The following GASK1B variants were observed in gnomAD, a reference collection of about 807,000 sequenced individuals.
The protein encoded by GASK1B is Golgi-associated kinase 1B.
GASK1B carries 34 observed loss-of-function variants against 42.8 expected under a neutral mutation model. That is an observed-to-expected ratio of 0.79 (90% CI 0.60 to 1.06). The LOEUF is 1.06. GASK1B is among the 50% of genes least tolerant of loss of function. The probability of loss-of-function intolerance (pLI) is 0.00; values close to 1 mark genes in which losing one functional copy is unlikely to be tolerated. For missense variants in GASK1B, 686 were observed against 661.0 expected (o/e 1.04, Z -0.42); for synonymous variants, 262 against 259.1 (o/e 1.01, Z -0.11).
chr4:158,161,103 A>G (rs1409811122), intron 2 of GASK1B, among the ~76,000 whole-genome samples: 1 of 152,100 alleles, frequency 6.6e-6, no homozygotes, highest in Non-Finnish European at 1.5e-5. Context: ...TATATTTACA[A>G]TGTTTCACCC....
chr4:158,159,929 A>G (rs904512716), intron 2 of GASK1B, among the ~76,000 whole-genome samples: 34 of 152,260 alleles, frequency 2.2e-4, no homozygotes, highest in African/African-American at 7.9e-4. Flanking sequence ...TTGTGGAATT[A>G]TAGGTGAATG....
At chr4:158,157,780 T>A (rs1302562551) in intron 2 of GASK1B, among the ~76,000 whole-genome samples, 1 of 152,134 alleles carries the variant, frequency 6.6e-6, no homozygotes, top group Non-Finnish European at 1.5e-5. Context: ...TGGAAATTGA[T>A]CTACATAAAC....
intron 2 of GASK1B, among the ~76,000 whole-genome samples, chr4:158,157,137 A>G (rs773900530): frequency 2.1e-4 from 32 of 152,118 alleles, no homozygotes; most frequent in Non-Finnish European, 4.0e-4. Flanking sequence ...CACTTAAATC[A>G]TTCTAATCAC....
At chr4:158,133,903 G>C (rs1352346174) in intron 3 of GASK1B, among the ~76,000 whole-genome samples, 11 of 151,920 alleles carry the variant, frequency 7.2e-5, no homozygotes, top group Non-Finnish European at 1.6e-4. Context: ...ATATGTGTGT[G>C]TGTGTGTGTG....
intron 3 of GASK1B, among the ~76,000 whole-genome samples, chr4:158,132,253 T>G (rs1176030824): frequency 6.6e-6 from 1 of 152,186 alleles, no homozygotes; most frequent in East Asian, 1.9e-4. Flanking sequence ...ACACTGCCAC[T>G]TTTATTCTTT....
intron 3 of GASK1B, among the ~76,000 whole-genome samples, chr4:158,148,957 C>T (rs761312349): frequency 1.3e-5 from 2 of 152,188 alleles, no homozygotes; most frequent in Non-Finnish European, 2.9e-5. Context: ...AAATATCTCT[C>T]TTCCTCTATG....
intron 2 of GASK1B, among the ~76,000 whole-genome samples, chr4:158,167,906 C>T (rs1472392258): frequency 6.6e-6 from 1 of 152,062 alleles, no homozygotes; most frequent in Non-Finnish European, 1.5e-5. Flanking sequence ...AAGAAAGACA[C>T]AGTGAGAAAA....
Position 158,170,863 on chromosome 4 carries a change from G to T in GASK1B, c.513C>A (p.Asn171Lys), listed in dbSNP as rs999729774. ...AGGGTCGCTCTCCAATCTTAACCAG[G>T]TTTGCTCCCTGAGCGTACCCAGGTG... ...AVAPGYAQGA[N>K]LVKIGERPWR... The change falls in exon 2 of 5, where the codon AAC (asparagine) becomes AAA (lysine). Residue 171 changes from asparagine to lysine, a missense_variant. Asn to Lys is a moderately conservative substitution (Grantham distance 94, BLOSUM62 0). Transcript: ENST00000585682. The T allele has an allele frequency of 2.5e-6, 4 of 1,614,094 alleles. No individual in the cohort carries two copies. In the African/African-American group the frequency reaches 5.3e-5, roughly 22 times the overall value.
intron 2 of GASK1B, chr4:158,169,922 A>T: frequency 6.2e-6 from 2 of 323,952 alleles, no homozygotes; most frequent in African/African-American, 2.1e-5. Flanking sequence ...ATTTTTGCTC[A>T]TTCTTTTTAT....
At chr4:158,169,378 T>C (rs1334535843) in intron 2 of GASK1B, 4 of 152,202 alleles carry the variant, frequency 2.6e-5, no homozygotes, top group Non-Finnish European at 5.9e-5. Flanking sequence ...CCAATTTTTC[T>C]AAGTAAATCA....
chr4:158,166,619 T>G (rs1342196556), intron 2 of GASK1B, among the ~76,000 whole-genome samples: 1 of 152,148 alleles, frequency 6.6e-6, no homozygotes, highest in East Asian at 1.9e-4. Flanking sequence ...GTATGAGGAT[T>G]TAATGAAATA....
intron 3 of GASK1B, among the ~76,000 whole-genome samples, chr4:158,139,896 G>A (rs72691649): frequency 0.088 from 13,434 of 152,148 alleles, 768 homozygotes; most frequent in Non-Finnish European, 0.11. Flanking sequence ...CAGTCGATGT[G>A]CTTTACACAT....
intron 3 of GASK1B, among the ~76,000 whole-genome samples, chr4:158,152,524 C>T (rs995902625): frequency 5.9e-5 from 9 of 151,564 alleles, no homozygotes; most frequent in Non-Finnish European, 1.3e-4. Context: ...ATAGGAAAAC[C>T]AGGAAAGGAC....
intron 2 of GASK1B, chr4:158,168,225 C>T (rs1193232160): frequency 1.3e-5 from 2 of 152,088 alleles, no homozygotes; most frequent in African/African-American, 4.8e-5. Flanking sequence ...TTATTTCCAT[C>T]ACCACTACCA....
At chr4:158,145,494 G>T (rs1025883478) in intron 3 of GASK1B, among the ~76,000 whole-genome samples, 1 of 152,104 alleles carries the variant, frequency 6.6e-6, no homozygotes, top group East Asian at 1.9e-4. Context: ...ACCACTCAAT[G>T]AACTTTTTCA....
intron 3 of GASK1B, among the ~76,000 whole-genome samples, chr4:158,139,848 A>C (rs867878913): frequency 6.6e-6 from 1 of 152,234 alleles, no homozygotes; most frequent in Non-Finnish European, 1.5e-5. Context: ...ACAATTACAT[A>C]AGTGGTTTCC....
chr4:158,128,210 G>A (rs1055502954), intron 4 of GASK1B, among the ~76,000 whole-genome samples: 2 of 152,096 alleles, frequency 1.3e-5, no homozygotes, highest in African/African-American at 4.8e-5. Context: ...TGAGGATTTA[G>A]GATCATTTTA....
At chr4:158,162,265 T>C (rs1468498016) in intron 2 of GASK1B, among the ~76,000 whole-genome samples, 1 of 152,192 alleles carries the variant, frequency 6.6e-6, no homozygotes, top group Non-Finnish European at 1.5e-5. Flanking sequence ...GAGGTTTTTA[T>C]CACACATTTT....
chr4:158,149,096 G>T lies in GASK1B; in HGVS notation c.1125+6515C>A, dbSNP rs556190063. 5.9e-5 allele frequency among the ~76,000 whole-genome samples: 9 copies of T among 152,186 alleles called. 1 individual carries two copies. In the South Asian group the frequency reaches 1.9e-3, roughly 32 times the overall value. On this transcript the variant is annotated intron_variant, in intron 3 of 4. Coordinates refer to ENST00000585682, the MANE Select transcript of GASK1B (RefSeq NM_001128424.2). ...GTACCAATCTTATATTCTTACTCAT[G>T]CTTTTCCCTATCCTCTCTATCATTG...
Sources: allele counts gnomAD v4.1 joint callset (sites outside exome capture counted in the v4.1 genomes callset), GRCh38; gene constraint gnomAD v4.1.1; transcripts MANE v1.5; gene names NCBI Gene and HGNC (gene_info 2026-07-23, HGNC 2026-07-21).